The following WDFY2 variants were observed in gnomAD, a reference collection of about 807,000 sequenced individuals.
The protein encoded by WDFY2 is WD repeat and FYVE domain containing 2.
In WDFY2, 36 loss-of-function variants were observed where a neutral mutation model predicts 56.4. The ratio of observed to expected loss-of-function variants is 0.64; its 90% CI spans 0.49 to 0.84. The LOEUF (loss-of-function observed/expected upper bound fraction) is 0.84. Among genes scored for constraint, WDFY2 ranks in the 40% least tolerant of loss-of-function variants. The pLI, the probability that WDFY2 is intolerant of heterozygous loss-of-function variation, is 0.00. For synonymous variants in WDFY2, 176 were observed against 183.7 expected (o/e 0.96, Z 0.34); for missense variants, 444 against 512.2 (o/e 0.87, Z 1.29).
intron 1 of WDFY2, among the ~76,000 whole-genome samples, chr13:51,607,013 TAAAC>T (rs1954396026): frequency 6.6e-6 from 1 of 151,980 alleles, no homozygotes; most frequent in Non-Finnish European, 1.5e-5. Context: ...AACCAGAAAA[TAAAC>T]AAAAATAACC....
chr13:51,636,132 A>G (rs17069413), intron 1 of WDFY2, among the ~76,000 whole-genome samples: 18,198 of 152,096 alleles, frequency 0.12, 1,576 homozygotes, highest in African/African-American at 0.21. Flanking sequence ...GTAATTGGTG[A>G]TATTTCTTGA....
intron 4 of WDFY2, among the ~76,000 whole-genome samples, chr13:51,710,056 G>A (rs1433901569): frequency 2.6e-5 from 4 of 152,070 alleles, no homozygotes; most frequent in African/African-American, 4.8e-5. Context: ...CTGGCAAACC[G>A]AATCCAGCAG....
intron 1 of WDFY2, among the ~76,000 whole-genome samples, chr13:51,616,702 T>G (rs1190940617): frequency 2.0e-5 from 3 of 152,186 alleles, no homozygotes; most frequent in Non-Finnish European, 2.9e-5. Flanking sequence ...TTCATCAAAG[T>G]TAGTCGCATG....
At chr13:51,636,648 C>G (rs1955059868) in intron 1 of WDFY2, among the ~76,000 whole-genome samples, 1 of 152,166 alleles carries the variant, frequency 6.6e-6, no homozygotes, top group African/African-American at 2.4e-5. Context: ...TTCAAGAGGT[C>G]TGGGATATTC....
Position 51,760,751 on chromosome 13 carries a change from C to T in WDFY2, c.*982C>T, listed in dbSNP as rs1364133151. 1 of 152,242 alleles carries T rather than the reference C, an allele frequency of 6.6e-6. No individual in the cohort carries two copies. Among genetic ancestry groups the T allele is most frequent in the East Asian group, 1.9e-4 (1 of 5,190 alleles). The allele number at this position is 152,242 out of a possible 1,614,324, so 9.4% of individuals were successfully genotyped here. A position where few individuals can be genotyped will look rare whatever the true frequency, so the allele number is the denominator to read the frequency against. On this transcript the variant is annotated 3_prime_UTR_variant, in exon 12 of 12. Transcript: ENST00000298125. Reference sequence around the variant, plus strand: ...AGGCATTAGCTTCTCATAAGGAGCACGCAACCTAAATCCCTCGCATGCGCA... The same window carrying T: ...AGGCATTAGCTTCTCATAAGGAGCATGCAACCTAAATCCCTCGCATGCGCA...
chr13:51,665,051 A>G (rs1408024069), intron 2 of WDFY2, among the ~76,000 whole-genome samples: 4 of 152,214 alleles, frequency 2.6e-5, no homozygotes, highest in African/African-American at 4.8e-5. Context: ...ACCATCATGT[A>G]TGGTGAGTGT....
chr13:51,590,276 C>T (rs1451865423), intron 1 of WDFY2: 2 of 152,156 alleles, frequency 1.3e-5, no homozygotes, highest in African/African-American at 4.8e-5. Flanking sequence ...GCTAAACTTA[C>T]TTTGAAAAAG....
chr13:51,605,156 T>C (rs926293518), intron 1 of WDFY2, among the ~76,000 whole-genome samples: 1 of 152,164 alleles, frequency 6.6e-6, no homozygotes, highest in African/African-American at 2.4e-5. Context: ...TGGAAAGAGA[T>C]GGGTGCTCAC....
rs1280978341 is a variant in WDFY2 at position 51,761,137 on chromosome 13, A to G, written c.*1368A>G. ...TGTGTTTCATCAGAACACTTTGCAC[A>G]CTTTCTTACTAAAACGGTATGTGGG... On this transcript the variant is annotated 3_prime_UTR_variant, in exon 12 of 12. Coordinates refer to ENST00000298125, the MANE Select transcript of WDFY2 (RefSeq NM_052950.4). 1 of 152,154 alleles carries G rather than the reference A, an allele frequency of 6.6e-6. No homozygotes were observed. The highest frequency in any genetic ancestry group is 1.5e-5 in the Non-Finnish European group (1 of 68,028). 9.4% of individuals were successfully genotyped at this position (152,154 alleles called of 1,614,324 possible). A position where few individuals can be genotyped will look rare whatever the true frequency, so the allele number is the denominator to read the frequency against.
chr13:51,727,897 G>T, intron 6 of WDFY2, 107 bp downstream of exon 6: 1 of 1,019,470 alleles, frequency 9.8e-7, no homozygotes, highest in Non-Finnish European at 1.4e-6. Flanking sequence ...TACAATCCAT[G>T]CTTGTGCAAA....
intron 1 of WDFY2, among the ~76,000 whole-genome samples, chr13:51,656,028 T>A (rs1955501772): frequency 6.6e-6 from 1 of 151,924 alleles, no homozygotes; most frequent in Non-Finnish European, 1.5e-5. Flanking sequence ...ACTGACCTTT[T>A]GTTTCATTGA....
chr13:51,607,453 G>C (rs1228557517), intron 1 of WDFY2, among the ~76,000 whole-genome samples: 2 of 152,150 alleles, frequency 1.3e-5, no homozygotes, highest in Admixed American at 1.3e-4. Context: ...TGTTGCCAAG[G>C]AGTGTATATC....
intron 1 of WDFY2, among the ~76,000 whole-genome samples, chr13:51,630,882 G>A (rs1273078655): frequency 6.6e-6 from 1 of 151,048 alleles, no homozygotes. Context: ...GGATTTAAGC[G>A]ATTCTCCTGC....
At chr13:51,702,302 C>T (rs1318643188) in intron 3 of WDFY2, among the ~76,000 whole-genome samples, 1 of 150,720 alleles carries the variant, frequency 6.6e-6, no homozygotes, top group African/African-American at 2.4e-5. Flanking sequence ...CAGAGCAAGA[C>T]TCTGTCAAAA....
rs547571531 is a variant in WDFY2 at position 51,612,742 on chromosome 13, T to A, written c.137+27918T>A. On this transcript the variant is annotated intron_variant, in intron 1 of 11. Transcript: ENST00000298125. ...TTTATGGTTGACCATATACATTATG[T>A]TCTGTGCATTGTCCTTCTTTGTTGA... Among the ~76,000 whole-genome samples the A allele has an allele frequency of 9.8e-5, 15 of 152,344 alleles. No individual in the cohort carries two copies. The South Asian group carries it at 1.7e-3, about 17-fold the overall frequency.
intron 1 of WDFY2, among the ~76,000 whole-genome samples, chr13:51,642,473 A>G (rs1408508883): frequency 1.3e-5 from 2 of 150,864 alleles, no homozygotes; most frequent in African/African-American, 4.9e-5. Flanking sequence ...TTTTTTTTGT[A>G]TTTTTGTAGA....
chr13:51,689,696 G>A (rs990881090), intron 3 of WDFY2, among the ~76,000 whole-genome samples: 7 of 152,122 alleles, frequency 4.6e-5, no homozygotes, highest in South Asian at 2.1e-4. Context: ...AAAAAGGCAC[G>A]TACCCTCTGG....
chr13:51,682,467 A>G (rs1955995503), intron 3 of WDFY2, among the ~76,000 whole-genome samples: 1 of 152,188 alleles, frequency 6.6e-6, no homozygotes, highest in African/African-American at 2.4e-5. Context: ...TGCTCTGTAA[A>G]TATTTATAGA....
In WDFY2 at chr13:51,663,457, T is replaced by G. The variant is rs148961808; in HGVS notation, c.205+2794T>G. Among the ~76,000 whole-genome samples, 191 of 152,318 alleles carry G rather than the reference T, an allele frequency of 1.3e-3. 1 individual carries two copies. The highest frequency in any genetic ancestry group is 4.5e-3 in the African/African-American group (187 of 41,574). On this transcript the variant is annotated intron_variant, in intron 2 of 11. Coordinates refer to ENST00000298125, the MANE Select transcript of WDFY2 (RefSeq NM_052950.4). ...TTGAAATCATTTTGAAATGATCTTT[T>G]GAATCCATTCAAAAGATTACTACTG...
Sources: gnomAD v4.1 joint callset for allele counts (sites outside exome capture counted in the v4.1 genomes callset) on GRCh38, gnomAD v4.1.1 for gene constraint, MANE v1.5 for transcripts, NCBI Gene and HGNC (gene_info 2026-07-23, HGNC 2026-07-21) for gene names.